Variants in MAPK8IP3 observed in about 807,000 individuals in gnomAD.
MAPK8IP3 encodes the protein C-Jun-amino-terminal kinase-interacting protein 3.
A neutral mutation model predicts 157.8 loss-of-function variants in MAPK8IP3; 49 were observed. The observed-to-expected ratio is 0.31, with a 90% CI of 0.25 to 0.39. The LOEUF is 0.39. Among genes scored for constraint, MAPK8IP3 ranks in the 10% least tolerant of loss-of-function variants. The pLI, the probability that MAPK8IP3 is intolerant of heterozygous loss-of-function variation, is 1.00. For missense variants in MAPK8IP3, 1,478 were observed against 1,889.4 expected (o/e 0.78, Z 4.04); for synonymous variants, 897 against 777.7 (o/e 1.15, Z -2.55).
At chr16:1,731,758 T>C (rs2141748429) in intron 4 of MAPK8IP3, among the ~76,000 whole-genome samples, 1 of 152,350 alleles carries the variant, frequency 6.6e-6, no homozygotes, top group South Asian at 2.1e-4. Context: ...AATGCATGGC[T>C]TTGAGGATTT....
At chr16:1,758,631 G>GC (rs1268242360) in intron 9 of MAPK8IP3, among the ~76,000 whole-genome samples, 1 of 152,010 alleles carries the variant, frequency 6.6e-6, no homozygotes, top group African/African-American at 2.4e-5. Flanking sequence ...TCCAGATGCA[G>GC]CCCCCCAGCC....
chr16:1,740,655 G>A (rs530616328), intron 4 of MAPK8IP3, among the ~76,000 whole-genome samples: 2 of 152,314 alleles, frequency 1.3e-5, no homozygotes, highest in Non-Finnish European at 1.5e-5. Context: ...CCTCTGTGCT[G>A]TCGCTGCCGT....
intron 6 of MAPK8IP3, among the ~76,000 whole-genome samples, chr16:1,747,634 G>A (rs944294284): frequency 6.6e-6 from 1 of 152,232 alleles, no homozygotes; most frequent in African/African-American, 2.4e-5. Flanking sequence ...GTCATGCTAG[G>A]GGGTATCTAT....
At chr16:1,716,021 C>T (rs369597928) in intron 1 of MAPK8IP3, among the ~76,000 whole-genome samples, 23 of 152,030 alleles carry the variant, frequency 1.5e-4, no homozygotes, top group Non-Finnish European at 2.9e-4. Flanking sequence ...GCCACTGCAC[C>T]GGCCGAGGTT....
chr16:1,765,084 C>T lies in MAPK8IP3; in HGVS notation c.2352C>T (p.Ser784=), dbSNP rs1178937578. ...TCCTGACCAGCACCCTGACCACCAG[C>T]AAGGTGGTGATCATCGACGCCAACC... The part of the protein sequence containing the change: ...VWILTSTLTT[S]KVVIIDANQP... The change falls in exon 20 of 32, where the codon AGC becomes AGT. Residue 784 remains serine (S), a synonymous_variant. Transcript: ENST00000610761. 1 of 1,612,412 alleles carries T rather than the reference C, an allele frequency of 6.2e-7. No individual in the cohort carries two copies. The highest frequency in any genetic ancestry group is 8.5e-7 in the Non-Finnish European group (1 of 1,179,794).
intron 4 of MAPK8IP3, among the ~76,000 whole-genome samples, chr16:1,739,494 C>G: frequency 3.4e-5 from 3 of 87,110 alleles, no homozygotes; most frequent in Non-Finnish European, 2.2e-5. Flanking sequence ...GCATGTGTGA[C>G]CGTTCGTGTG....
intron 1 of MAPK8IP3, chr16:1,708,111 G>C (rs184356326): frequency 6.6e-6 from 1 of 152,238 alleles, no homozygotes; most frequent in Non-Finnish European, 1.5e-5. Flanking sequence ...GAACGCAAAG[G>C]TTCATGGATT....
chr16:1,736,812 C>T (rs1210582175), intron 4 of MAPK8IP3, among the ~76,000 whole-genome samples: 1 of 47,732 alleles, frequency 2.1e-5, no homozygotes, highest in Non-Finnish European at 3.7e-5. Context: ...GAGCGTGTGA[C>T]CGTCCGTGTG....
At chr16:1,712,130 C>T (rs974625960) in intron 1 of MAPK8IP3, among the ~76,000 whole-genome samples, 28 of 134,766 alleles carry the variant, frequency 2.1e-4, no homozygotes, top group African/African-American at 6.8e-4. Context: ...GGCGCAATCT[C>T]GGCTCACTGC....
intron 8 of MAPK8IP3, among the ~76,000 whole-genome samples, chr16:1,750,688 A>G (rs1301949274): frequency 2.0e-5 from 3 of 151,032 alleles, no homozygotes; most frequent in African/African-American, 7.3e-5. Context: ...TTTGTGGGCC[A>G]GGCTGGAGTG....
rs1253157257 is a variant in MAPK8IP3, at chr16:1,737,127, C to T, written c.603-6205C>T. 7.6e-5 allele frequency among the ~76,000 whole-genome samples: 5 copies of T among 66,080 alleles called. 1 individual carries two copies. Among genetic ancestry groups the T allele is most frequent in the Non-Finnish European group, 1.4e-4 (5 of 36,390 alleles). 43.4% of individuals were successfully genotyped at this position (66,080 alleles called of 152,430 possible). On this transcript the variant is annotated intron_variant, in intron 4 of 31. Coordinates refer to ENST00000610761, the MANE Select transcript of MAPK8IP3 (RefSeq NM_001318852.2). ...CCATGTGAGCATCTGTGTGACCGTC[C>T]GTGTGAGCATGTGACCATCCGTGAC...
In MAPK8IP3 at chr16:1,743,734, T is replaced by C; in HGVS notation, c.747+258T>C. 7.3e-7 allele frequency: 1 copy of C among 1,365,498 alleles called. No homozygotes were observed. Among genetic ancestry groups the C allele is most frequent in the South Asian group, 1.8e-5 (1 of 56,914 alleles). The allele number at this position is 1,365,498 out of a possible 1,614,324, so 84.6% of individuals were successfully genotyped here. ...AGTCCAGGCTAGACCTCCCTGCCCT[T>C]GGATAGACCGCTCTGTAGCCAGGGG... On this transcript the variant is annotated intron_variant, in intron 5 of 31. Transcript: ENST00000610761. The surrounding 1 kb of genome is among the most constrained non-coding windows in gnomAD (Gnocchi z 5.6).
At chr16:1,729,404 G>A in intron 3 of MAPK8IP3, 83 bp from the exon 4 acceptor site, 1 of 1,400,624 alleles carries the variant, frequency 7.1e-7, no homozygotes, top group Non-Finnish European at 1.0e-6. Flanking sequence ...CCTGCACAGG[G>A]CAGCCGGAAA....
At chr16:1,744,314 G>A (rs866453018) in intron 5 of MAPK8IP3, 8 of 985,814 alleles carry the variant, frequency 8.1e-6, no homozygotes, top group Middle Eastern at 5.2e-4. Context: ...TTGGGCTGGT[G>A]GATGTGGGGC....
At chr16:1,727,193 T>C (rs1039564187) in intron 2 of MAPK8IP3, among the ~76,000 whole-genome samples, 3 of 151,790 alleles carry the variant, frequency 2.0e-5, no homozygotes, top group South Asian at 2.1e-4. Context: ...GTGTGCGGCA[T>C]CTGAGTTGTG....
intron 10 of MAPK8IP3, among the ~76,000 whole-genome samples, chr16:1,759,691 G>A (rs951671216): frequency 6.6e-6 from 1 of 152,220 alleles, no homozygotes; most frequent in Admixed American, 6.5e-5. Context: ...TGGCAGCCCA[G>A]CGGCCATTCA....
chr16:1,767,345 C>T, intron 26 of MAPK8IP3, 48 bp downstream of exon 26: 2 of 1,607,806 alleles, frequency 1.2e-6, no homozygotes, highest in Middle Eastern at 1.9e-4. Flanking sequence ...TCCTGCTGGC[C>T]AGCAGCTCTC....
intron 8 of MAPK8IP3, among the ~76,000 whole-genome samples, chr16:1,750,245 G>A (rs118170141): frequency 0.017 from 2,552 of 151,866 alleles, 36 homozygotes; most frequent in Non-Finnish European, 0.024. Context: ...ACAAAGTCCC[G>A]CTCTGTCGCC....
intron 9 of MAPK8IP3, among the ~76,000 whole-genome samples, chr16:1,758,501 CAG>C (rs2041750428): frequency 6.6e-6 from 1 of 152,236 alleles, no homozygotes; most frequent in African/African-American, 2.4e-5. Context: ...CCCCAGAAGT[CAG>C]GGGTCCTTGA....
Sources: gnomAD v4.1 joint callset for allele counts (sites outside exome capture counted in the v4.1 genomes callset) on GRCh38, gnomAD v4.1.1 for gene constraint, Gnocchi (gnomAD v3.1) non-coding constraint, MANE v1.5 for transcripts, NCBI Gene and HGNC (gene_info 2026-07-23, HGNC 2026-07-21) for gene names.